SMAD7: variants seen among roughly 807,000 people sequenced by gnomAD.
The protein encoded by SMAD7 is SMAD family member 7, also known as MAD (mothers against decapentaplegic, Drosophila) homolog 7.
Under a neutral mutation model 38.7 loss-of-function variants are expected in SMAD7, and 8 were observed. That is an observed-to-expected ratio of 0.21 (90% CI 0.12 to 0.37). SMAD7 has a LOEUF of 0.37. Ranked by LOEUF, SMAD7 falls within the 10% of genes least tolerant of loss-of-function variation. The probability of loss-of-function intolerance (pLI) is 1.00; values close to 1 mark genes in which losing one functional copy is unlikely to be tolerated. For synonymous variants in SMAD7, 327 were observed against 265.1 expected, an observed-to-expected ratio of 1.23 and a Z score of -2.27; for missense variants, 477 against 577.9, an observed-to-expected ratio of 0.83 and a Z score of 1.79.
chr18:48,938,055 G>A (rs530026767), intron 3 of SMAD7, among the ~76,000 whole-genome samples: 5 of 152,330 alleles, frequency 3.3e-5, no homozygotes, highest in African/African-American at 9.6e-5. Flanking sequence ...TTGTTCACGT[G>A]CAGCTGATTA....
chr18:48,947,996 T>C (rs565017594), intron 2 of SMAD7, among the ~76,000 whole-genome samples: 24 of 150,472 alleles, frequency 1.6e-4, no homozygotes, highest in Middle Eastern at 3.4e-3. Context: ...TCTTCCCATC[T>C]ATCGAATCAC....
At chr18:48,939,820 T>C (rs1300784583) in intron 3 of SMAD7, among the ~76,000 whole-genome samples, 1 of 151,662 alleles carries the variant, frequency 6.6e-6, no homozygotes, top group African/African-American at 2.4e-5. Flanking sequence ...GCTCCCCACC[T>C]TGCTGCCAGG....
chr18:48,933,949 C>T (rs1197603877), intron 3 of SMAD7, among the ~76,000 whole-genome samples: 1 of 152,170 alleles, frequency 6.6e-6, no homozygotes, highest in Non-Finnish European at 1.5e-5. Flanking sequence ...GAGTGGAGAG[C>T]GGGCCAGCCA....
chr18:48,921,517 C>T lies in SMAD7; in HGVS notation c.1136G>A (p.Arg379Gln), dbSNP rs1352334210. ...FDYEKAYSLQ[R>Q]PNDHEFMQQP... ...CTGCATAAACTCGTGGTCATTGGGC[C>T]GCTGCAGGCTGTACGCCTTCTCGTA... Residue 379 changes from arginine (R) to glutamine (Q), a missense_variant, in exon 4 of 4, where the codon CGG becomes CAG. By Grantham distance (43) the Arg-to-Gln change is conservative (BLOSUM62 1). Transcript: ENST00000262158. The surrounding 1 kb of genome is among the most constrained non-coding windows in gnomAD (Gnocchi z 6.4). The T allele has an allele frequency of 3.1e-6, 5 of 1,614,104 alleles. No homozygotes were observed. Among genetic ancestry groups the T allele is most frequent in the African/African-American group, 1.3e-5 (1 of 74,926 alleles).
intron 3 of SMAD7, among the ~76,000 whole-genome samples, chr18:48,926,380 G>A (rs2069928990): frequency 6.6e-6 from 1 of 152,232 alleles, no homozygotes; most frequent in Non-Finnish European, 1.5e-5. Flanking sequence ...ACGGTTAAAT[G>A]TGCCCAATTG....
At chr18:48,947,527 A>G (rs2070208443) in intron 2 of SMAD7, among the ~76,000 whole-genome samples, 1 of 152,232 alleles carries the variant, frequency 6.6e-6, no homozygotes, top group Non-Finnish European at 1.5e-5. Context: ...TACAGGCACA[A>G]AAACCAAGGT....
intron 3 of SMAD7, among the ~76,000 whole-genome samples, chr18:48,929,693 C>T (rs973895772): frequency 1.3e-5 from 2 of 151,752 alleles, no homozygotes; most frequent in Non-Finnish European, 2.9e-5. Flanking sequence ...ACAGTTTTTC[C>T]CTGGTTTTGC....
At chr18:48,923,363 C>T (rs534639097) in intron 3 of SMAD7, among the ~76,000 whole-genome samples, 62 of 152,328 alleles carry the variant, frequency 4.1e-4, no homozygotes, top group Non-Finnish European at 6.0e-4. Flanking sequence ...GATGGGGCCG[C>T]ATCCTGCTGC....
rs1230303450 is a variant in SMAD7 at position 48,921,877 on chromosome 18, G to A, written c.776C>T (p.Ser259Leu). The change falls in exon 4 of 4, where the codon TCA becomes TTA. Residue 259 changes from serine (S) to leucine (L), a missense_variant. By Grantham distance (145) the Ser-to-Leu change is moderately radical. Transcript: ENST00000262158. This position sits in a 1 kb window ranked among gnomAD's most constrained non-coding sequence, Gnocchi z 6.4. ...SQLLLEPGDR[S>L]HWCVVAYWEE... ...CCAGTATGCCACCACGCACCAGTGTGACCGATCCCCAGGCTCCAGAAGAAG... is the reference window on the plus strand; with the variant it reads ...CCAGTATGCCACCACGCACCAGTGTAACCGATCCCCAGGCTCCAGAAGAAG... 1.9e-6 allele frequency: 3 copies of A among 1,610,300 alleles called. No individual in the cohort carries two copies. Among genetic ancestry groups the A allele is most frequent in the East Asian group, 4.5e-5 (2 of 44,878 alleles).
Position 48,948,452 on chromosome 18 carries a change from G to C in SMAD7, c.614-15C>G. On this transcript the variant is annotated splice_polypyrimidine_tract_variant and intron_variant, in intron 1 of 3. Transcript: ENST00000262158. Reference sequence around the variant, plus strand: ...GGGGGGAGACTCTGAAATTAAAAAAGCAAGAGAAAATAAAGGCCCAGCCAT... The same window carrying C: ...GGGGGGAGACTCTGAAATTAAAAAACCAAGAGAAAATAAAGGCCCAGCCAT... The C allele has an allele frequency of 6.3e-7, 1 of 1,580,344 alleles. No homozygotes were observed.
At chr18:48,926,313 A>C (rs1225376140) in intron 3 of SMAD7, among the ~76,000 whole-genome samples, 3 of 141,946 alleles carry the variant, frequency 2.1e-5, no homozygotes, top group Non-Finnish European at 3.1e-5. Context: ...TTTAGGAACA[A>C]GGGCAAGCTT....
chr18:48,942,346 T>A lies in SMAD7; in HGVS notation c.742+135A>T, dbSNP rs141186044. On this transcript the variant is annotated intron_variant, in intron 3 of 3. Transcript: ENST00000262158. ...GCACCACAATGTCACCACCGATGCATCCAACTTAAGGCATATAAAAATGAG... is the reference window on the plus strand; with the variant it reads ...GCACCACAATGTCACCACCGATGCAACCAACTTAAGGCATATAAAAATGAG... 74 of 660,512 alleles carry A rather than the reference T, an allele frequency of 1.1e-4. No individual in the cohort carries two copies. The African/African-American group carries it at 1.2e-3, about 11-fold the overall frequency. 40.9% of individuals were successfully genotyped at this position (660,512 alleles called of 1,614,324 possible).
chr18:48,921,324 T>C lies in SMAD7; in HGVS notation c.*48A>G. 1.3e-6 allele frequency: 2 copies of C among 1,509,590 alleles called. No individual in the cohort carries two copies. Among genetic ancestry groups the C allele is most frequent in the South Asian group, 2.5e-5 (2 of 80,034 alleles). 93.5% of individuals were successfully genotyped at this position (1,509,590 alleles called of 1,614,324 possible). On this transcript the variant is annotated 3_prime_UTR_variant, in exon 4 of 4. Coordinates refer to ENST00000262158, the MANE Select transcript of SMAD7 (RefSeq NM_005904.4). The surrounding 1 kb of genome is among the most constrained non-coding windows in gnomAD (Gnocchi z 6.4). The stretch of plus-strand genomic sequence containing the variant: ...GAGGAAAATATTAGCAGCAAAGTAG[T>C]TTGAAGTGTGGCCTGCTCAGCTCAC...
chr18:48,921,300 AG>A lies in SMAD7; in HGVS notation c.*71del. On this transcript the variant is annotated 3_prime_UTR_variant, in exon 4 of 4. Coordinates refer to ENST00000262158, the MANE Select transcript of SMAD7 (RefSeq NM_005904.4). The surrounding 1 kb of genome is among the most constrained non-coding windows in gnomAD (Gnocchi z 6.4). ...TTTGCATGAAAAGCAAGCACTCAGGAGGAAAATATTAGCAGCAAAGTAGTTT... is the reference window on the plus strand; with the variant it reads ...TTTGCATGAAAAGCAAGCACTCAGGAGAAAATATTAGCAGCAAAGTAGTTT... 7.4e-7 allele frequency: 1 copy of A among 1,355,902 alleles called. No homozygotes were observed. The allele number at this position is 1,355,902 out of a possible 1,614,324, so 84.0% of individuals were successfully genotyped here.
rs1432710296 is a variant in SMAD7 at position 48,920,028 on chromosome 18, T to C, written c.*1344A>G. 6.6e-6 allele frequency: 1 copy of C among 152,608 alleles called. No homozygotes were observed. The highest frequency in any genetic ancestry group is 1.5e-5 in the Non-Finnish European group (1 of 68,038). The allele number at this position is 152,608 out of a possible 1,614,324, so 9.5% of individuals were successfully genotyped here. ...GTGCATCTTTTCTTTATTTTTCTTG[T>C]TTATACACATTGCACAATACATAAA... On this transcript the variant is annotated 3_prime_UTR_variant, in exon 4 of 4. Coordinates refer to ENST00000262158, the MANE Select transcript of SMAD7 (RefSeq NM_005904.4).
chr18:48,938,395 G>C (rs1002611116), intron 3 of SMAD7, among the ~76,000 whole-genome samples: 6 of 152,210 alleles, frequency 3.9e-5, no homozygotes, highest in African/African-American at 1.4e-4. Flanking sequence ...ACAGCCAAGA[G>C]ATGGAGTTTC....
chr18:48,946,833 C>CT (rs1365568131), intron 2 of SMAD7, among the ~76,000 whole-genome samples: 4 of 152,204 alleles, frequency 2.6e-5, no homozygotes, highest in Non-Finnish European at 5.9e-5. Context: ...CCCAGTGTCT[C>CT]TGCAGGAAAC....
intron 2 of SMAD7, among the ~76,000 whole-genome samples, chr18:48,946,014 G>T (rs780223174): frequency 6.6e-5 from 10 of 152,276 alleles, no homozygotes; most frequent in Admixed American, 1.3e-4. Flanking sequence ...CTAAAGTCCA[G>T]GCCTCCCAGA....
At chr18:48,937,337 G>A (rs1437634139) in intron 3 of SMAD7, among the ~76,000 whole-genome samples, 1 of 150,216 alleles carries the variant, frequency 6.7e-6, no homozygotes, top group African/African-American at 2.5e-5. Flanking sequence ...GCATGCTACA[G>A]TGTCACCAAA....
Sources: gnomAD v4.1 joint callset for allele counts (sites outside exome capture counted in the v4.1 genomes callset) on GRCh38, gnomAD v4.1.1 for gene constraint, Gnocchi (gnomAD v3.1) non-coding constraint, MANE v1.5 for transcripts, NCBI Gene and HGNC (gene_info 2026-07-23, HGNC 2026-07-21) for gene names.